Variants in RAMAC observed in about 807,000 individuals in gnomAD.
RAMAC encodes RNA guanine-7 methyltransferase activating subunit.
A neutral mutation model predicts 17.9 loss-of-function variants in RAMAC; 11 were observed. The observed-to-expected ratio is 0.61, with a 90% CI of 0.39 to 1.02. RAMAC has a LOEUF of 1.02. Among genes scored for constraint, RAMAC ranks in the 50% least tolerant of loss-of-function variants. RAMAC has a pLI of 0.01. For synonymous variants in RAMAC, 27 were observed against 48.4 expected (o/e 0.56, Z 1.84); for missense variants, 109 against 144.0 (o/e 0.76, Z 1.25).
At chr15:82,986,750 T>G (rs1171867162) in intron 1 of RAMAC, among the ~76,000 whole-genome samples, 1 of 152,216 alleles carries the variant, frequency 6.6e-6, no homozygotes, top group Non-Finnish European at 1.5e-5. Flanking sequence ...ATTAGCAGTA[T>G]TCAAGTACAA....
At chr15:82,988,762 A>G (rs1290971697) in intron 2 of RAMAC, 4 of 479,270 alleles carry the variant, frequency 8.3e-6, no homozygotes, top group African/African-American at 2.0e-5. Context: ...TGAGCCAGGG[A>G]AGTCAAGGCT....
At chr15:82,987,254 A>C (rs2030656361) in intron 1 of RAMAC, 82 bp from the exon 2 acceptor site, 1 of 151,872 alleles carries the variant, frequency 6.6e-6, no homozygotes, top group Non-Finnish European at 1.5e-5. Context: ...CTTGAATAAG[A>C]CTCTTATGCG....
intron 1 of RAMAC, among the ~76,000 whole-genome samples, chr15:82,986,602 C>G (rs538134610): frequency 8.1e-4 from 124 of 152,286 alleles, no homozygotes; most frequent in African/African-American, 3.0e-3. Flanking sequence ...GACTGGAAAA[C>G]GCAGTTGTTT....
chr15:82,986,794 C>T (rs771607590), intron 1 of RAMAC, among the ~76,000 whole-genome samples: 6 of 152,206 alleles, frequency 3.9e-5, no homozygotes, highest in Non-Finnish European at 5.9e-5. Context: ...AACATACATA[C>T]TTTATGAAGT....
rs1310399157 is a variant in RAMAC at position 82,990,222 on chromosome 15, C to T, written c.*155C>T. ...CTTTAAAAAAAATAGATCTTACTTG[C>T]GAAATGCGATGGTTGCTGGGAATAC... On this transcript the variant is annotated 3_prime_UTR_variant, in exon 4 of 4. Transcript: ENST00000304191. 5.4e-5 allele frequency: 17 copies of T among 315,668 alleles called. No homozygotes were observed. Among genetic ancestry groups the T allele is most frequent in the Admixed American group, 2.9e-4 (4 of 13,718 alleles). The allele number at this position is 315,668 out of a possible 1,614,324, so 19.6% of individuals were successfully genotyped here.
chr15:82,988,199 G>A (rs1212657586), intron 2 of RAMAC, among the ~76,000 whole-genome samples: 12 of 151,766 alleles, frequency 7.9e-5, no homozygotes, highest in Non-Finnish European at 1.2e-4. Flanking sequence ...GTGTGGTGGC[G>A]CGTGCCTGTA....
Position 82,989,003 on chromosome 15 carries a change from T to C in RAMAC, c.-9-7T>C. ...TTTTTAATGGAAATGTCTTTAAAATTGTACAGATTTTCAGAATGACTGACA... is the reference window on the plus strand; with the variant it reads ...TTTTTAATGGAAATGTCTTTAAAATCGTACAGATTTTCAGAATGACTGACA... On this transcript the variant is annotated splice_polypyrimidine_tract_variant and splice_region_variant and intron_variant, in intron 2 of 3. Transcript: ENST00000304191. 1 of 1,586,336 alleles carries C rather than the reference T, an allele frequency of 6.3e-7. No homozygotes were observed. The highest frequency in any genetic ancestry group is 8.6e-7 in the Non-Finnish European group (1 of 1,168,494).
Position 82,989,091 on chromosome 15 carries a change from G to T in RAMAC, c.73G>T (p.Glu25Ter). Residue 25 changes from glutamate to a stop codon, truncating the protein, a stop_gained, in exon 3 of 4, where the codon GAG becomes TAG. Transcript: ENST00000304191. LOFTEE classifies it high-confidence loss of function. ...TAGTAGATTCACAGAAAATGACAAG[G>T]AGTATCAGGAATACCTGAAACGCCC... ...FASRFTENDKEYQEYLKRPPE... is the reference protein window; with the variant it reads ...FASRFTENDK 2 of 1,613,848 alleles carry T rather than the reference G, an allele frequency of 1.2e-6. No homozygotes were observed. The highest frequency in any genetic ancestry group is 1.7e-6 in the Non-Finnish European group (2 of 1,179,848).
chr15:82,987,870 T>C (rs2030684274), intron 2 of RAMAC, among the ~76,000 whole-genome samples: 1 of 151,198 alleles, frequency 6.6e-6, no homozygotes, highest in Non-Finnish European at 1.5e-5. Context: ...TGAAACCCTG[T>C]CTCTACTAAA....
chr15:82,989,965 A>T lies in RAMAC; in HGVS notation c.255A>T (p.Arg85=). 3 of 1,610,064 alleles carry T rather than the reference A, an allele frequency of 1.9e-6. No individual in the cohort carries two copies. Among genetic ancestry groups the T allele is most frequent in the Non-Finnish European group, 2.5e-6 (3 of 1,177,960 alleles). Residue 85 remains arginine, a synonymous_variant, in exon 4 of 4, where the codon CGA becomes CGT. Transcript: ENST00000304191. The part of the protein sequence containing the change: ...SDNRSNQWHG[R]SWGNNYPQHR... ...ATCGATCCAATCAGTGGCATGGACG[A>T]TCCTGGGGTAACAACTACCCGCAAC...
In RAMAC at chr15:82,990,701, G is replaced by A. The variant is rs769655886; in HGVS notation, c.*634G>A. On this transcript the variant is annotated 3_prime_UTR_variant, in exon 4 of 4. Transcript: ENST00000304191. ...CATTGTCAGTTTGTGTCTTGATCTG[G>A]TGGTGGTTGGGATAAGGGTACACAT... 1.9e-5 allele frequency: 27 copies of A among 1,458,040 alleles called. No individual in the cohort carries two copies. Among genetic ancestry groups the A allele is most frequent in the Admixed American group, 3.9e-5 (2 of 50,678 alleles). 90.3% of individuals were successfully genotyped at this position (1,458,040 alleles called of 1,614,324 possible).
Position 82,987,378 on chromosome 15 carries a change from C to T in RAMAC, c.-16C>T, listed in dbSNP as rs2030661400. On this transcript the variant is annotated 5_prime_UTR_variant, in exon 2 of 4. Transcript: ENST00000304191. ...ATTAAGCAGTACAGCTGCCTCAAAC[C>T]TTTGGGGTAAGTAAAGCTTGGGTCG... is the stretch of plus-strand genomic sequence containing the variant. The T allele has an allele frequency of 6.6e-6, 1 of 152,174 alleles. No homozygotes were observed. The highest frequency in any genetic ancestry group is 2.1e-4 in the South Asian group (1 of 4,832). 9.4% of individuals were successfully genotyped at this position (152,174 alleles called of 1,614,324 possible).
intron 2 of RAMAC, among the ~76,000 whole-genome samples, chr15:82,988,117 A>T (rs2030702127): frequency 6.6e-6 from 1 of 150,916 alleles, no homozygotes; most frequent in South Asian, 2.1e-4. Flanking sequence ...CGGGCGGATT[A>T]TGAGGTCAGG....
chr15:82,989,753 T>G, intron 3 of RAMAC, 128 bp from the exon 4 acceptor site: 1 of 1,182,558 alleles, frequency 8.5e-7, no homozygotes, highest in Non-Finnish European at 1.2e-6. Context: ...AACATTCTAT[T>G]GTGAAAAATG....
intron 3 of RAMAC, 74 bp from the exon 4 acceptor site, chr15:82,989,807 G>A (rs907455039): frequency 2.6e-5 from 40 of 1,525,960 alleles, no homozygotes; most frequent in Non-Finnish European, 3.3e-5. Context: ...GAAACCAGAA[G>A]CACTGCTATG....
In RAMAC at chr15:82,990,899, C is replaced by G. The variant is rs570286700; in HGVS notation, c.*832C>G. 1.2e-3 allele frequency: 517 copies of G among 426,210 alleles called. No homozygotes were observed. Among genetic ancestry groups the G allele is most frequent in the Non-Finnish European group, 1.9e-3 (445 of 236,862 alleles). 26.4% of individuals were successfully genotyped at this position (426,210 alleles called of 1,614,324 possible). ...TGGGCTGATTTTACAATGTTATATT[C>G]ACTTCCAGATGCATACCTCTGCTGC... On this transcript the variant is annotated 3_prime_UTR_variant, in exon 4 of 4. Coordinates refer to ENST00000304191, the MANE Select transcript of RAMAC (RefSeq NM_031452.4).
At chr15:82,988,258 A>G (rs2030708950) in intron 2 of RAMAC, among the ~76,000 whole-genome samples, 1 of 152,062 alleles carries the variant, frequency 6.6e-6, no homozygotes, top group Non-Finnish European at 1.5e-5. Context: ...TGAACCTGGG[A>G]GGCAGAGGTT....
intron 3 of RAMAC, 108 bp downstream of exon 3, chr15:82,989,296 A>G: frequency 9.4e-7 from 1 of 1,062,486 alleles, no homozygotes; most frequent in Non-Finnish European, 1.3e-6. Context: ...TTGGTATGGC[A>G]TACCTAGTAC....
chr15:82,989,406 T>C (rs1013177101), intron 3 of RAMAC, among the ~76,000 whole-genome samples: 1 of 152,268 alleles, frequency 6.6e-6, no homozygotes, highest in African/African-American at 2.4e-5. Context: ...CGTGTGTTTT[T>C]TTGTTTTTAG....
Sources: gnomAD v4.1 joint callset for allele counts (sites outside exome capture counted in the v4.1 genomes callset) on GRCh38, gnomAD v4.1.1 for gene constraint, MANE v1.5 for transcripts, NCBI Gene and HGNC (gene_info 2026-07-23, HGNC 2026-07-21) for gene names.